The following AQR variants were observed in gnomAD, a reference collection of about 807,000 sequenced individuals.
AQR encodes aquarius intron-binding spliceosomal factor, also known as RNA helicase aquarius.
In AQR, 61 loss-of-function variants were observed where a neutral mutation model predicts 180.5. That is an observed-to-expected ratio of 0.34 (90% CI 0.28 to 0.42). AQR has a LOEUF of 0.42. Among genes scored for constraint, AQR ranks in the 10% least tolerant of loss-of-function variants. AQR has a pLI of 1.00. For missense variants in AQR, 1,281 were observed against 1,798.3 expected (o/e 0.71, Z 5.20); for synonymous variants, 551 against 588.8 (o/e 0.94, Z 0.93).
intron 24 of AQR, 49 bp from the exon 25 acceptor site, chr15:34,886,710 T>G (rs1233836441): frequency 3.2e-6 from 5 of 1,545,510 alleles, no homozygotes; most frequent in Non-Finnish European, 4.3e-6. Context: ...AAAGAGACTT[T>G]GAAGGAAACA....
At chr15:34,926,150 C>T (rs183782757) in intron 13 of AQR, among the ~76,000 whole-genome samples, 2 of 150,602 alleles carry the variant, frequency 1.3e-5, no homozygotes, top group Admixed American at 6.6e-5. Context: ...AGCGAGACTC[C>T]GTCTCAAAAA....
chr15:34,924,659 G>C (rs1258584374), intron 13 of AQR, among the ~76,000 whole-genome samples: 3 of 152,072 alleles, frequency 2.0e-5, no homozygotes, highest in Non-Finnish European at 4.4e-5. Context: ...TCGAACTCCT[G>C]ACCTCAGGTG....
rs535459678 is a variant in AQR, at chr15:34,886,100, G to A, written c.2817+426C>T. On this transcript the variant is annotated intron_variant, in intron 25 of 34. Coordinates refer to ENST00000156471, the MANE Select transcript of AQR (RefSeq NM_014691.3). ...TTCAAGACCCACTGTGCAATTAGTT[G>A]TAAGACATAATTTATTTCTGGAAAT... Among the ~76,000 whole-genome samples the A allele has an allele frequency of 4.6e-5, 7 of 152,234 alleles. No individual in the cohort carries two copies. In the South Asian group the frequency reaches 1.2e-3, roughly 27 times the overall value.
At chr15:34,968,660 G>A (rs1205949359) in intron 1 of AQR, among the ~76,000 whole-genome samples, 4 of 152,188 alleles carry the variant, frequency 2.6e-5, no homozygotes, top group African/African-American at 9.6e-5. Context: ...AGAGCAAGAG[G>A]AAGGACAATA....
chr15:34,963,885 A>G (rs1433992739), intron 2 of AQR, among the ~76,000 whole-genome samples: 1 of 151,934 alleles, frequency 6.6e-6, no homozygotes, highest in Non-Finnish European at 1.5e-5. Flanking sequence ...GATGGTCTCG[A>G]TCTCCTGACC....
At chr15:34,872,387 C>A (rs894574194) in intron 30 of AQR, among the ~76,000 whole-genome samples, 6 of 151,994 alleles carry the variant, frequency 3.9e-5, no homozygotes, top group African/African-American at 1.4e-4. Flanking sequence ...ATATTTATTT[C>A]TTGAATCGCT....
intron 5 of AQR, among the ~76,000 whole-genome samples, chr15:34,946,052 T>A (rs1355718171): frequency 6.6e-6 from 1 of 152,176 alleles, no homozygotes; most frequent in South Asian, 2.1e-4. Flanking sequence ...GGGTGGATCA[T>A]CTAAGGTCAG....
chr15:34,904,839 C>A (rs1220746358), intron 18 of AQR, among the ~76,000 whole-genome samples: 2 of 151,964 alleles, frequency 1.3e-5, no homozygotes, highest in African/African-American at 4.8e-5. Flanking sequence ...TCACTCATAG[C>A]TCCCACTACT....
At chr15:34,956,215 C>T (rs939686556) in intron 3 of AQR, among the ~76,000 whole-genome samples, 6 of 152,072 alleles carry the variant, frequency 3.9e-5, no homozygotes, top group African/African-American at 1.4e-4. Flanking sequence ...AAAATAAGCA[C>T]TTTGGGAAAA....
chr15:34,918,404 C>T (rs1222235696), intron 14 of AQR, 26 bp from the exon 15 acceptor site: 2 of 1,608,484 alleles, frequency 1.2e-6, no homozygotes, highest in Non-Finnish European at 8.5e-7. Context: ...CAAGTTCATG[C>T]AGAAGGTTAG....
intron 21 of AQR, 92 bp from the exon 22 acceptor site, chr15:34,897,058 T>C: frequency 1.0e-6 from 1 of 982,942 alleles, no homozygotes. Flanking sequence ...TCTAAATATC[T>C]GCTCTGTATT....
rs2140453123 is a variant in AQR, at chr15:34,853,164, T to G, written c.*3628A>C. 1 of 152,178 alleles carries G rather than the reference T, an allele frequency of 6.6e-6. No homozygotes were observed. Among genetic ancestry groups the G allele is most frequent in the Middle Eastern group, 3.4e-3 (1 of 292 alleles). 9.4% of individuals were successfully genotyped at this position (152,178 alleles called of 1,614,324 possible). A position where few individuals can be genotyped will look rare whatever the true frequency, so the allele number is the denominator to read the frequency against. ...AACATCTATTAACATGATTGCTAAA[T>G]AATTACACAGGCTAACTGCCAAGCA... On this transcript the variant is annotated 3_prime_UTR_variant, in exon 35 of 35. Transcript: ENST00000156471.
intron 22 of AQR, 52 bp from the exon 23 acceptor site, chr15:34,893,825 A>G (rs1893190758): frequency 6.7e-7 from 1 of 1,503,688 alleles, no homozygotes; most frequent in Non-Finnish European, 9.3e-7. Context: ...CAGTTATCAC[A>G]CATTGTTAGA....
intron 12 of AQR, 134 bp from the exon 13 acceptor site, chr15:34,927,272 T>G (rs1274515120): frequency 4.9e-6 from 2 of 411,854 alleles, no homozygotes; most frequent in Admixed American, 4.5e-5. Flanking sequence ...TTATGTGACC[T>G]CTACCTTAAT....
intron 27 of AQR, among the ~76,000 whole-genome samples, chr15:34,878,964 G>A (rs2140465341): frequency 6.6e-6 from 1 of 151,998 alleles, no homozygotes; most frequent in Admixed American, 6.5e-5. Context: ...GGAGGTGGAG[G>A]TTGAAGTGAG....
intron 8 of AQR, among the ~76,000 whole-genome samples, chr15:34,939,315 C>T (rs934463296): frequency 6.6e-6 from 1 of 152,228 alleles, no homozygotes; most frequent in African/African-American, 2.4e-5. Flanking sequence ...GGTCCACCCG[C>T]CTCGGCCTCC....
intron 14 of AQR, among the ~76,000 whole-genome samples, chr15:34,919,703 C>T (rs1893654154): frequency 6.6e-6 from 1 of 151,956 alleles, no homozygotes; most frequent in Non-Finnish European, 1.5e-5. Context: ...TCAAGACCAG[C>T]CTGGCCAACG....
At chr15:34,876,449 T>C (rs1892890604) in intron 27 of AQR, among the ~76,000 whole-genome samples, 1 of 152,124 alleles carries the variant, frequency 6.6e-6, no homozygotes, top group Non-Finnish European at 1.5e-5. Context: ...ACAATTCACT[T>C]CAGTCTCACC....
chr15:34,937,524 T>C (rs1044925936), intron 9 of AQR, among the ~76,000 whole-genome samples: 23 of 152,184 alleles, frequency 1.5e-4, no homozygotes, highest in African/African-American at 5.6e-4. Flanking sequence ...AAAATATAAA[T>C]ATGGTATACC....
Sources: gnomAD v4.1 joint callset for allele counts (sites outside exome capture counted in the v4.1 genomes callset) on GRCh38, gnomAD v4.1.1 for gene constraint, MANE v1.5 for transcripts, NCBI Gene and HGNC (gene_info 2026-07-23, HGNC 2026-07-21) for gene names.